USP32: variants seen among roughly 807,000 people sequenced by gnomAD.
The protein encoded by USP32 is ubiquitin carboxyl-terminal hydrolase 32.
In USP32, 59 loss-of-function variants were observed where a neutral mutation model predicts 204.8. The observed-to-expected ratio is 0.29, with a 90% CI of 0.23 to 0.36. The LOEUF is 0.36. USP32 is among the 10% of genes least tolerant of loss of function. USP32 has a pLI of 1.00. For synonymous variants in USP32, 517 were observed against 678.4 expected, an observed-to-expected ratio of 0.76 and a Z score of 3.70; for missense variants, 1,160 against 1,946.4, an observed-to-expected ratio of 0.60 and a Z score of 7.60.
chr17:60,301,753 G>A lies in USP32; in HGVS notation c.187-49C>T, dbSNP rs758193917. On this transcript the variant is annotated intron_variant, in intron 2 of 33. Transcript: ENST00000300896. ...CCTTAGGAGGCATTTCAGTTGTTGAGGAATCTGAGGCAGCTATCATCTTTA... is the reference window on the plus strand; with the variant it reads ...CCTTAGGAGGCATTTCAGTTGTTGAAGAATCTGAGGCAGCTATCATCTTTA... 16 of 1,308,950 alleles carry A rather than the reference G, an allele frequency of 1.2e-5. No individual in the cohort carries two copies. The East Asian group carries it at 3.6e-4, about 30-fold the overall frequency. The allele number at this position is 1,308,950 out of a possible 1,614,324, so 81.1% of individuals were successfully genotyped here. A position where few individuals can be genotyped will look rare whatever the true frequency, so the allele number is the denominator to read the frequency against.
At chr17:60,392,185 T>G (rs1363258337), upstream of USP32, 3 of 462,738 alleles carry the variant, frequency 6.5e-6, no homozygotes, top group Non-Finnish European at 1.2e-5. Flanking sequence ...CCCTTCTCTC[T>G]CCTCTCTCTC....
In USP32 at chr17:60,226,038, C is replaced by A. The variant is rs2085378544; in HGVS notation, c.1432+1G>T. The A allele has an allele frequency of 6.3e-7, 1 of 1,597,052 alleles. No individual in the cohort carries two copies. The highest frequency in any genetic ancestry group is 1.4e-5 in the African/African-American group (1 of 73,704). ...ACCTCAGGGGAATAGGTCATATTTA[C>A]CGCTGCCAGCAGTTTCTGAGGCTTC... On this transcript the variant is annotated splice_donor_variant, in intron 13 of 33. Coordinates refer to ENST00000300896, the MANE Select transcript of USP32 (RefSeq NM_032582.4). LOFTEE classifies it high-confidence loss of function.
In USP32 at chr17:60,292,034, C is replaced by A. The variant is rs562600884; in HGVS notation, c.411+2649G>T. 1.6e-4 allele frequency among the ~76,000 whole-genome samples: 25 copies of A among 151,946 alleles called. No homozygotes were observed. The South Asian group carries it at 4.4e-3, about 27-fold the overall frequency. ...AGGACCTACACCAATGACCTACCTG[C>A]AGATCACCAAATTTAATGATCACTT... On this transcript the variant is annotated intron_variant, in intron 4 of 33. Coordinates refer to ENST00000300896, the MANE Select transcript of USP32 (RefSeq NM_032582.4).
chr17:60,378,113 A>G (rs891126564), intron 1 of USP32, among the ~76,000 whole-genome samples: 9 of 152,190 alleles, frequency 5.9e-5, no homozygotes, highest in African/African-American at 1.9e-4. Context: ...AAAAGCACAC[A>G]TCTCAATTCA....
chr17:60,233,452 C>A (rs1210458332), intron 12 of USP32, among the ~76,000 whole-genome samples: 1 of 152,114 alleles, frequency 6.6e-6, no homozygotes, highest in Non-Finnish European at 1.5e-5. Context: ...AAAGGAAGAT[C>A]CTGTCTCAAC....
At chr17:60,268,569 C>T (rs1045193681) in intron 7 of USP32, among the ~76,000 whole-genome samples, 1 of 95,992 alleles carries the variant, frequency 1.0e-5, no homozygotes, top group African/African-American at 4.4e-5. Flanking sequence ...GGCAACAGAA[C>T]AAGACCCTGT....
intron 5 of USP32, among the ~76,000 whole-genome samples, chr17:60,278,902 T>TTTA (rs1257069500): frequency 1.3e-5 from 2 of 152,220 alleles, no homozygotes; most frequent in Non-Finnish European, 2.9e-5. Context: ...ACATTTTAAC[T>TTTA]TTATAGTCTG....
At chr17:60,352,154 A>C (rs1028897850) in intron 1 of USP32, among the ~76,000 whole-genome samples, 1 of 152,230 alleles carries the variant, frequency 6.6e-6, no homozygotes, top group Non-Finnish European at 1.5e-5. Context: ...CTAAATGACT[A>C]TATTTTTCAG....
intron 4 of USP32, among the ~76,000 whole-genome samples, chr17:60,290,075 C>A (rs1054941405): frequency 2.6e-5 from 4 of 152,118 alleles, no homozygotes; most frequent in African/African-American, 9.7e-5. Context: ...ATAACTAAAT[C>A]AGAGTCAACA....
chr17:60,212,863 C>G (rs140014385), intron 18 of USP32, among the ~76,000 whole-genome samples: 2 of 151,874 alleles, frequency 1.3e-5, no homozygotes, highest in Admixed American at 1.3e-4. Context: ...GACTGATTCT[C>G]GTGCCTCAGC....
At chr17:60,380,004 C>T (rs549661921) in intron 1 of USP32, among the ~76,000 whole-genome samples, 47 of 151,992 alleles carry the variant, frequency 3.1e-4, no homozygotes, top group African/African-American at 9.7e-4. Flanking sequence ...TATTTATGTA[C>T]ATATATATGT....
At chr17:60,416,290 C>T (rs1245566648) in intron 1 of USP32, among the ~76,000 whole-genome samples, 1 of 152,134 alleles carries the variant, frequency 6.6e-6, no homozygotes, top group Non-Finnish European at 1.5e-5. Context: ...GAGTTATTTT[C>T]TATGTATGCT....
intron 5 of USP32, among the ~76,000 whole-genome samples, chr17:60,283,425 A>G (rs937455301): frequency 2.0e-5 from 3 of 152,252 alleles, no homozygotes; most frequent in African/African-American, 4.8e-5. Context: ...TTTAATGTGA[A>G]TTAAAAATAC....
At chr17:60,307,785 C>T (rs2087760982) in intron 2 of USP32, among the ~76,000 whole-genome samples, 1 of 152,090 alleles carries the variant, frequency 6.6e-6, no homozygotes, top group South Asian at 2.1e-4. Flanking sequence ...CCAAGACCAC[C>T]CTGGCCTGCC....
chr17:60,315,223 C>T (rs1245310854), intron 2 of USP32, among the ~76,000 whole-genome samples: 2 of 152,106 alleles, frequency 1.3e-5, no homozygotes, highest in Admixed American at 6.6e-5. Flanking sequence ...CACAGTGAAA[C>T]CCCATCTCTA....
chr17:60,414,648 C>T lies in USP32; in HGVS notation c.106+7598G>A, dbSNP rs966450041. ...TTTGCCATGTTGGTCAGGTTGGCCT[C>T]GAACTCCTGACCTCAGGAGATCCAC... On this transcript the variant is annotated intron_variant, in intron 1 of 3. Transcript: ENST00000588898. Among the ~76,000 whole-genome samples the T allele has an allele frequency of 7.9e-5, 12 of 151,452 alleles. No individual in the cohort carries two copies. The South Asian group carries it at 8.3e-4, about 11-fold the overall frequency.
At chr17:60,360,427 G>C (rs939814180) in intron 1 of USP32, among the ~76,000 whole-genome samples, 1 of 152,162 alleles carries the variant, frequency 6.6e-6, no homozygotes, top group African/African-American at 2.4e-5. Flanking sequence ...GGGAGGCCAA[G>C]GTGGGTGGAT....
At chr17:60,386,604 T>C (rs1246390842) in intron 1 of USP32, among the ~76,000 whole-genome samples, 2 of 151,842 alleles carry the variant, frequency 1.3e-5, no homozygotes, top group Non-Finnish European at 2.9e-5. Context: ...ATCCCAACTC[T>C]AACTTCCTTA....
At position 60,212,137 on chromosome 17, in the gene USP32, T is replaced by C. The variant is rs760036893; in HGVS notation, c.2105-39A>G. 7 of 1,505,874 alleles carry C rather than the reference T, an allele frequency of 4.6e-6. No individual in the cohort carries two copies. In the Admixed American group the frequency reaches 8.0e-5, roughly 17 times the overall value. The allele number at this position is 1,505,874 out of a possible 1,614,324, so 93.3% of individuals were successfully genotyped here. On this transcript the variant is annotated intron_variant, in intron 18 of 33. Transcript: ENST00000300896. ...TAGGAATGTGTTAATTTCTTATCTA[T>C]CTAATTTATACCCATTCGATTGCTT... is the stretch of plus-strand genomic sequence containing the variant.
Sources: gnomAD v4.1 joint callset for allele counts (sites outside exome capture counted in the v4.1 genomes callset) on GRCh38, gnomAD v4.1.1 for gene constraint, MANE v1.5 for transcripts, NCBI Gene and HGNC (gene_info 2026-07-23, HGNC 2026-07-21) for gene names.